Variants in RNGTT observed in about 807,000 individuals in gnomAD.
RNGTT encodes RNA guanylyltransferase and 5'-phosphatase, also known as mRNA-capping enzyme.
A neutral mutation model predicts 79.3 loss-of-function variants in RNGTT; 33 were observed. The observed-to-expected ratio is 0.42, with a 90% CI of 0.32 to 0.56. RNGTT has a LOEUF of 0.56. RNGTT is among the 20% of genes least tolerant of loss of function. RNGTT has a pLI of 0.17. For missense variants in RNGTT, 497 were observed against 739.1 expected, an observed-to-expected ratio of 0.67 and a Z score of 3.80; for synonymous variants, 222 against 235.9, an observed-to-expected ratio of 0.94 and a Z score of 0.54.
At chr6:88,911,608 C>T (rs963785441) in intron 4 of RNGTT, among the ~76,000 whole-genome samples, 1 of 152,000 alleles carries the variant, frequency 6.6e-6, no homozygotes, top group African/African-American at 2.4e-5. Flanking sequence ...ACACTCAAAA[C>T]CACACAATTA....
At chr6:88,869,140 A>G (rs1782275720) in intron 8 of RNGTT, among the ~76,000 whole-genome samples, 1 of 152,208 alleles carries the variant, frequency 6.6e-6, no homozygotes, top group Non-Finnish European at 1.5e-5. Flanking sequence ...CACAAAGGAA[A>G]AATCTAAATA....
At position 88,849,785 on chromosome 6, in the gene RNGTT, T is replaced by C; in HGVS notation, c.1074A>G (p.Arg358=). The change falls in exon 10 of 16, where the codon AGA becomes AGG. Residue 358 remains arginine (R), a synonymous_variant. Transcript: ENST00000369485. ...ATTTAATTATGTCATATATCAAATA[T>C]CTAGGAACAGCCTGTCCATTTACTC... ...IDRVNGQAVP[R]YLIYDIIKFN... 1 of 1,571,304 alleles carries C rather than the reference T, an allele frequency of 6.4e-7. No individual in the cohort carries two copies. The highest frequency in any genetic ancestry group is 1.2e-5 in the South Asian group (1 of 83,280).
chr6:88,695,954 A>G (rs1232387561), intron 13 of RNGTT, among the ~76,000 whole-genome samples: 1 of 152,176 alleles, frequency 6.6e-6, no homozygotes, highest in African/African-American at 2.4e-5. Flanking sequence ...AAAAGAATCT[A>G]ACTTATAGAC....
chr6:88,796,939 A>G (rs1337833058), intron 12 of RNGTT, among the ~76,000 whole-genome samples: 1 of 152,196 alleles, frequency 6.6e-6, no homozygotes, highest in Non-Finnish European at 1.5e-5. Context: ...TCTGACATTT[A>G]GACAGGTAGT....
chr6:88,751,159 T>C (rs568371281), intron 13 of RNGTT, among the ~76,000 whole-genome samples: 1 of 152,184 alleles, frequency 6.6e-6, no homozygotes, highest in South Asian at 2.1e-4. Flanking sequence ...TTTTTTTCTT[T>C]TCCATAAAAT....
chr6:88,656,078 G>A (rs987252939), intron 14 of RNGTT, among the ~76,000 whole-genome samples: 3 of 151,864 alleles, frequency 2.0e-5, no homozygotes, highest in Non-Finnish European at 4.4e-5. Flanking sequence ...TTAAGATAAA[G>A]GTATTATGAA....
chr6:88,928,115 G>C (rs111703159), intron 4 of RNGTT, among the ~76,000 whole-genome samples: 1 of 152,126 alleles, frequency 6.6e-6, no homozygotes, highest in African/African-American at 2.4e-5. Flanking sequence ...AGGAAGCTGA[G>C]AAGAGAGGAT....
chr6:88,825,387 T>C (rs1022819584), intron 11 of RNGTT, among the ~76,000 whole-genome samples: 5 of 152,316 alleles, frequency 3.3e-5, no homozygotes, highest in East Asian at 1.9e-4. Context: ...TTTGGTGGCA[T>C]AGATTCCATT....
chr6:88,938,343 T>G (rs1784734917), intron 2 of RNGTT, among the ~76,000 whole-genome samples: 1 of 152,204 alleles, frequency 6.6e-6, no homozygotes, highest in South Asian at 2.1e-4. Flanking sequence ...GATATAAGTT[T>G]AGCTACTCCT....
At chr6:88,959,681 T>A (rs62430163) in intron 1 of RNGTT, among the ~76,000 whole-genome samples, 1,991 of 152,250 alleles carry the variant, frequency 0.013, 16 homozygotes, top group Non-Finnish European at 0.019. Flanking sequence ...CTTTTCTCCA[T>A]CAATTCATTA....
intron 8 of RNGTT, among the ~76,000 whole-genome samples, chr6:88,856,981 T>A (rs1407077674): frequency 6.6e-6 from 1 of 152,086 alleles, no homozygotes; most frequent in Non-Finnish European, 1.5e-5. Flanking sequence ...TTCATTCCCA[T>A]TAAAAGGCAA....
At chr6:88,675,715 AC>A (rs1368078654) in intron 14 of RNGTT, among the ~76,000 whole-genome samples, 96 of 151,810 alleles carry the variant, frequency 6.3e-4, no homozygotes, top group African/African-American at 1.2e-3. Context: ...GAAAAAAAAA[AC>A]AATCAGCTTT....
chr6:88,654,583 T>C (rs183851345), intron 14 of RNGTT, among the ~76,000 whole-genome samples: 1 of 151,922 alleles, frequency 6.6e-6, no homozygotes, highest in Middle Eastern at 3.4e-3. Context: ...TTCTCATTCA[T>C]CTTTTCCTTC....
At chr6:88,642,037 G>C (rs914391189) in intron 14 of RNGTT, among the ~76,000 whole-genome samples, 1 of 152,118 alleles carries the variant, frequency 6.6e-6, no homozygotes, top group East Asian at 1.9e-4. Flanking sequence ...TTGAGAGAGA[G>C]AGAGAGAGAG....
intron 4 of RNGTT, among the ~76,000 whole-genome samples, chr6:88,921,547 T>C (rs914351390): frequency 1.3e-5 from 2 of 152,162 alleles, no homozygotes; most frequent in Non-Finnish European, 2.9e-5. Context: ...TAGAACCAGA[T>C]GTTTTCAATT....
chr6:88,714,339 C>T (rs1434097817), intron 13 of RNGTT: 1 of 152,166 alleles, frequency 6.6e-6, no homozygotes, highest in Non-Finnish European at 1.5e-5. Context: ...GTTTTATCTC[C>T]AACATTGTGT....
chr6:88,730,673 T>C (rs903251358), intron 13 of RNGTT, among the ~76,000 whole-genome samples: 4 of 152,216 alleles, frequency 2.6e-5, no homozygotes, highest in Non-Finnish European at 5.9e-5. Context: ...TAACAGGCCA[T>C]GGACTGGTAC....
At chr6:88,779,066 T>C (rs1209313613) in intron 12 of RNGTT, among the ~76,000 whole-genome samples, 1 of 148,076 alleles carries the variant, frequency 6.8e-6, no homozygotes, top group African/African-American at 2.5e-5. Context: ...TAAAATATAG[T>C]CATTTTCCTA....
intron 13 of RNGTT, among the ~76,000 whole-genome samples, chr6:88,749,440 C>T (rs1777771477): frequency 6.7e-6 from 1 of 149,668 alleles, no homozygotes; most frequent in South Asian, 2.1e-4. Flanking sequence ...AAAACTCCAA[C>T]ATTTCAAAGT....
Sources: allele counts gnomAD v4.1 joint callset (sites outside exome capture counted in the v4.1 genomes callset), GRCh38; gene constraint gnomAD v4.1.1; transcripts MANE v1.5; gene names NCBI Gene and HGNC (gene_info 2026-07-23, HGNC 2026-07-21).